Variants in CCDC88A observed in about 807,000 individuals in gnomAD.
CCDC88A encodes girdin.
Under a neutral mutation model 234.3 loss-of-function variants are expected in CCDC88A, and 54 were observed. The observed-to-expected ratio is 0.23, with a 90% CI of 0.19 to 0.29. The LOEUF is 0.29. Ranked by LOEUF, CCDC88A falls within the 10% of genes least tolerant of loss-of-function variation. CCDC88A has a pLI of 1.00. For missense variants in CCDC88A, 1,832 were observed against 2,123.4 expected, an observed-to-expected ratio of 0.86 and a Z score of 2.70; for synonymous variants, 753 against 737.8, an observed-to-expected ratio of 1.02 and a Z score of -0.33.
chr2:55,383,638 A>AG (rs1674980063), intron 3 of CCDC88A, among the ~76,000 whole-genome samples: 1 of 144,528 alleles, frequency 6.9e-6, no homozygotes, highest in African/African-American at 2.5e-5. Flanking sequence ...AAAAAAAAAA[A>AG]GAAAAGAAAT....
intron 25 of CCDC88A, among the ~76,000 whole-genome samples, chr2:55,307,728 A>ATCC (rs10656112): frequency 0.17 from 26,182 of 151,256 alleles, 5,147 homozygotes; most frequent in African/African-American, 0.49. Context: ...GCCTCATGTG[A>ATCC]TCCTGCTTTG....
intron 11 of CCDC88A, 31 bp downstream of exon 11, chr2:55,344,337 C>A: frequency 2.0e-6 from 3 of 1,489,960 alleles, no homozygotes; most frequent in South Asian, 2.8e-5. Context: ...TCCTTAAAGG[C>A]CATGTAACTG....
intron 23 of CCDC88A, among the ~76,000 whole-genome samples, chr2:55,311,166 G>A (rs1027422861): frequency 3.3e-5 from 5 of 152,092 alleles, no homozygotes; most frequent in African/African-American, 9.7e-5. Context: ...TTATATATAC[G>A]CAAAGCTTCT....
chr2:55,402,434 G>C (rs1290180984), intron 2 of CCDC88A, among the ~76,000 whole-genome samples: 2 of 151,926 alleles, frequency 1.3e-5, no homozygotes, highest in Non-Finnish European at 2.9e-5. Context: ...TTATTTGATT[G>C]GCATATTCAT....
intron 29 of CCDC88A, chr2:55,297,150 A>G (rs996200311): frequency 2.7e-5 from 4 of 148,874 alleles, no homozygotes; most frequent in African/African-American, 9.9e-5. Flanking sequence ...GCGCCACTGC[A>G]CTCTGGCCTG....
intron 16 of CCDC88A, chr2:55,329,398 T>C (rs1260172466): frequency 1.3e-5 from 2 of 152,216 alleles, no homozygotes. Context: ...TTAATTTTTA[T>C]GTAAATATTT....
At chr2:55,295,200 C>A (rs1679885611) in intron 31 of CCDC88A, 9 of 1,316,286 alleles carry the variant, frequency 6.8e-6, no homozygotes, top group Non-Finnish European at 9.0e-6. Context: ...GTTACTGTTA[C>A]TAGGGTTCTG....
intron 3 of CCDC88A, among the ~76,000 whole-genome samples, chr2:55,375,520 T>G (rs1206514767): frequency 2.3e-5 from 2 of 85,366 alleles, no homozygotes; most frequent in African/African-American, 7.1e-5. Flanking sequence ...TATGTATGTA[T>G]GTATAAATAT....
Position 55,335,081 on chromosome 2 carries a change from T to A in CCDC88A, c.1740A>T (p.Ala580=). The change falls in exon 15 of 33, where the codon GCA becomes GCT. Residue 580 remains alanine (A), a synonymous_variant. Coordinates refer to ENST00000436346, the MANE Select transcript of CCDC88A (RefSeq NM_001365480.1). The surrounding 1 kb of genome is among the most constrained non-coding windows in gnomAD (Gnocchi z 4.5). ...TTTCTTTTTCAATGTCTTTCACTCT[T>A]GCTTCTGCACTTATCTGGGACCGCT... ...LRQRSQISAE[A]RVKDIEKENK... is the part of the protein sequence containing the mutation. 6.2e-7 allele frequency: 1 copy of A among 1,611,582 alleles called. No homozygotes were observed. The highest frequency in any genetic ancestry group is 8.5e-7 in the Non-Finnish European group (1 of 1,178,970).
intron 2 of CCDC88A, among the ~76,000 whole-genome samples, chr2:55,415,709 T>G (rs996644147): frequency 6.6e-6 from 1 of 152,104 alleles, no homozygotes; most frequent in Non-Finnish European, 1.5e-5. Flanking sequence ...AATATAAGTG[T>G]GAGGAAACTA....
intron 7 of CCDC88A, 22 bp downstream of exon 7, chr2:55,362,286 A>T: frequency 1.3e-6 from 2 of 1,543,474 alleles, no homozygotes; most frequent in Non-Finnish European, 1.7e-6. Context: ...CTTTCACAAT[A>T]TACTGAAAGA....
intron 3 of CCDC88A, among the ~76,000 whole-genome samples, chr2:55,375,503 A>G (rs1251078690): frequency 7.7e-5 from 2 of 25,996 alleles, no homozygotes; most frequent in South Asian, 1.4e-3. Context: ...ATATATATAT[A>G]TATATATATG....
rs1558688613 is a variant in CCDC88A at position 55,334,691 on chromosome 2, T to C, written c.2130A>G (p.Val710=). 4 of 1,613,740 alleles carry C rather than the reference T, an allele frequency of 2.5e-6. No individual in the cohort carries two copies. Among genetic ancestry groups the C allele is most frequent in the Non-Finnish European group, 3.4e-6 (4 of 1,179,794 alleles). Residue 710 remains valine, a synonymous_variant, in exon 15 of 33, where the codon GTA becomes GTG. Transcript: ENST00000436346. The surrounding 1 kb of genome is among the most constrained non-coding windows in gnomAD (Gnocchi z 6.1). ...TCATGCTTGCACACTTCAAAGATTC[T>C]ACATTCCTTCGCAGTTCTAAGTTTT... ...DEENLELRRN[V]ESLKCASMKM...
intron 4 of CCDC88A, among the ~76,000 whole-genome samples, chr2:55,372,737 T>C (rs929596138): frequency 6.6e-6 from 1 of 151,608 alleles, no homozygotes; most frequent in African/African-American, 2.4e-5. Flanking sequence ...GATAAAGAGG[T>C]TTCAAGGCTC....
At position 55,318,911 on chromosome 2, in the gene CCDC88A, G is replaced by A; in HGVS notation, c.3256C>T (p.Leu1086Phe). 1.2e-6 allele frequency: 2 copies of A among 1,613,186 alleles called. No individual in the cohort carries two copies. Among genetic ancestry groups the A allele is most frequent in the East Asian group, 2.2e-5 (1 of 44,832 alleles). ...TGTAATGACACTGTCTGCCTCTGAAGTGCAAGAATCTGAGCCTGCAAATTA... is the reference window on the plus strand; with the variant it reads ...TGTAATGACACTGTCTGCCTCTGAAATGCAAGAATCTGAGCCTGCAAATTA... Reference protein sequence around the residue: ...NNNLQAQILALQRQTVSLQEQ... With the variant: ...NNNLQAQILAFQRQTVSLQEQ... Residue 1086 changes from leucine (L) to phenylalanine (F), a missense_variant, in exon 19 of 33, where the codon CTT becomes TTT. Around this residue, in one of 6 missense-constraint regions of CCDC88A, gnomAD observed 1,282 missense variants for 1,543.6 expected, o/e 0.83. Coordinates refer to ENST00000436346, the MANE Select transcript of CCDC88A (RefSeq NM_001365480.1).
At chr2:55,362,234 G>A in intron 7 of CCDC88A, 74 bp downstream of exon 7, 1 of 1,186,596 alleles carries the variant, frequency 8.4e-7, no homozygotes, top group Non-Finnish European at 1.2e-6. Flanking sequence ...TATCGTTTCT[G>A]AAAAGTTCCT....
chr2:55,349,712 G>C (rs773220690), intron 8 of CCDC88A, 113 bp from the exon 9 acceptor site: 171 of 634,138 alleles, frequency 2.7e-4, no homozygotes, highest in Non-Finnish European at 4.3e-4. Context: ...CATAGTATTA[G>C]CCATAACCCT....
chr2:55,302,548 AAG>A (rs1681018151), intron 26 of CCDC88A: 1 of 163,584 alleles, frequency 6.1e-6, no homozygotes, highest in African/African-American at 2.4e-5. Context: ...AAAAACCTGA[AAG>A]AGATGATATC....
chr2:55,382,692 G>C (rs1413749721), intron 3 of CCDC88A, among the ~76,000 whole-genome samples: 1 of 152,024 alleles, frequency 6.6e-6, no homozygotes, highest in Non-Finnish European at 1.5e-5. Flanking sequence ...ATACTCATTT[G>C]CAAGACAAAA....
Sources: gnomAD v4.1 joint callset for allele counts (sites outside exome capture counted in the v4.1 genomes callset) on GRCh38, gnomAD v4.1.1 for gene constraint, gnomAD v4.1.1 regional missense constraint, Gnocchi (gnomAD v3.1) non-coding constraint, MANE v1.5 for transcripts, NCBI Gene and HGNC (gene_info 2026-07-23, HGNC 2026-07-21) for gene names.